Variants in DNAH11 observed in about 807,000 individuals in gnomAD.
The protein encoded by DNAH11 is dynein axonemal heavy chain 11, also known as axonemal beta dynein heavy chain 11.
Under a neutral mutation model 526.0 loss-of-function variants are expected in DNAH11, and 442 were observed. The ratio of observed to expected loss-of-function variants is 0.84; its 90% CI spans 0.78 to 0.91. The LOEUF is 0.91. Ranked by LOEUF, DNAH11 falls within the 40% of genes least tolerant of loss-of-function variation. The pLI, the probability that DNAH11 is intolerant of heterozygous loss-of-function variation, is 0.00. For synonymous variants in DNAH11, 2,461 were observed against 1,935.9 expected (o/e 1.27, Z -7.12); for missense variants, 6,989 against 5,448.7 (o/e 1.28, Z -8.90).
chr7:21,549,022 C>T lies in DNAH11; in HGVS notation c.495+3873C>T, dbSNP rs74863130. ...TCAGCCTCCTGGGTAGCTGGGATTA[C>T]AGGCACCACTGTGCCTGTCTAATTT... On this transcript the variant is annotated intron_variant, in intron 2 of 81. Coordinates refer to ENST00000409508, the MANE Select transcript of DNAH11 (RefSeq NM_001277115.2). Among the ~76,000 whole-genome samples the T allele has an allele frequency of 6.8e-3, 1,035 of 152,192 alleles. 10 individuals are homozygous for T. The highest frequency in any genetic ancestry group is 0.011 in the Non-Finnish European group (780 of 67,996).
chr7:21,590,469 G>T (rs996520199), intron 12 of DNAH11, among the ~76,000 whole-genome samples: 2 of 152,130 alleles, frequency 1.3e-5, no homozygotes, highest in Non-Finnish European at 2.9e-5. Flanking sequence ...GTGATTACCT[G>T]GAGTCTCTCA....
chr7:21,844,837 T>G (rs12700309), intron 66 of DNAH11, among the ~76,000 whole-genome samples: 81,480 of 152,148 alleles, frequency 0.54, 24,820 homozygotes, highest in Non-Finnish European at 0.69. Flanking sequence ...AGTTGCCATG[T>G]AGGCAAAGAC....
intron 66 of DNAH11, among the ~76,000 whole-genome samples, chr7:21,844,340 C>T (rs1488306491): frequency 6.6e-6 from 1 of 152,206 alleles, no homozygotes; most frequent in East Asian, 1.9e-4. Context: ...GCACAAGAAC[C>T]ACTTGAACCC....
Position 21,555,050 on chromosome 7 carries a change from A to G in DNAH11, c.496-3752A>G, listed in dbSNP as rs55802598. Among the ~76,000 whole-genome samples, 1,128 of 152,172 alleles carry G rather than the reference A, an allele frequency of 7.4e-3. 3 individuals carry two copies. Among genetic ancestry groups the G allele is most frequent in the Admixed American group, 0.012 (186 of 15,290 alleles). On this transcript the variant is annotated intron_variant, in intron 2 of 81. Transcript: ENST00000409508. ...ATGATAGGGGGTCCCAGGGCTTTTC[A>G]CTGGGCAGGAACTTTTTACTAGGCT...
intron 65 of DNAH11, among the ~76,000 whole-genome samples, chr7:21,834,562 A>G (rs1303218227): frequency 1.3e-5 from 2 of 152,224 alleles, no homozygotes; most frequent in Non-Finnish European, 2.9e-5. Context: ...TGAAAAGTTA[A>G]ACAAAATCAG....
chr7:21,681,763 G>T (rs1783150595), intron 31 of DNAH11, 86 bp downstream of exon 31: 1 of 1,538,396 alleles, frequency 6.5e-7, no homozygotes, highest in Non-Finnish European at 9.0e-7. Flanking sequence ...GAAAGTCGTT[G>T]TTTTTTTGAA....
At chr7:21,642,112 G>T (rs1416465419) in intron 28 of DNAH11, among the ~76,000 whole-genome samples, 1 of 152,100 alleles carries the variant, frequency 6.6e-6, no homozygotes, top group African/African-American at 2.4e-5. Flanking sequence ...ATATATTTTT[G>T]ATATATTTTG....
chr7:21,588,245 G>A lies in DNAH11; in HGVS notation c.1848+44G>A, dbSNP rs186434321. 466 of 1,578,704 alleles carry A rather than the reference G, an allele frequency of 3.0e-4. 1 individual carries two copies. The African/African-American group carries it at 5.5e-3, about 19-fold the overall frequency. On this transcript the variant is annotated intron_variant, in intron 10 of 81. Coordinates refer to ENST00000409508, the MANE Select transcript of DNAH11 (RefSeq NM_001277115.2). Reference sequence around the variant, plus strand: ...TGGACACATTTACAATATCATTTAGGCGGATAATGACCATCAACTAGAACT... The same window carrying A: ...TGGACACATTTACAATATCATTTAGACGGATAATGACCATCAACTAGAACT...
At chr7:21,690,717 C>A in intron 34 of DNAH11, 48 bp from the exon 35 acceptor site, 1 of 1,379,904 alleles carries the variant, frequency 7.2e-7, no homozygotes, top group South Asian at 1.2e-5. Context: ...AATGTGCATT[C>A]ATATTCAATG....
At position 21,818,264 on chromosome 7, in the gene DNAH11, T is replaced by C; in HGVS notation, c.10616T>C (p.Leu3539Ser). 6.2e-7 allele frequency: 1 copy of C among 1,612,426 alleles called. No homozygotes were observed. The highest frequency in any genetic ancestry group is 8.5e-7 in the Non-Finnish European group (1 of 1,179,060). The change falls in exon 65 of 82, where the codon TTA (leucine) becomes TCA (serine). Residue 3539 changes from leucine to serine, a missense_variant. Physicochemically the swap from Leu to Ser is moderately radical, Grantham distance 145. Transcript: ENST00000409508. ...GCTTTGGCCTTTGGTGATGTCATCT[T>C]AATTGAAAATCTCGAGGAAACGATA... ...ETALAFGDVI[L>S]IENLEETIDP...
chr7:21,858,483 T>C lies in DNAH11; in HGVS notation c.11203-3370T>C, dbSNP rs185222635. Among the ~76,000 whole-genome samples, 108 of 152,326 alleles carry C rather than the reference T, an allele frequency of 7.1e-4. 1 individual carries two copies. In the East Asian group the frequency reaches 0.016, roughly 22 times the overall value. On this transcript the variant is annotated intron_variant, in intron 68 of 81. Transcript: ENST00000409508. Reference sequence around the variant, plus strand: ...AAAACAATCCAAAGGACTGACACATTAATAGTCATGCAGATTTTGCATGTT... The same window carrying C: ...AAAACAATCCAAAGGACTGACACATCAATAGTCATGCAGATTTTGCATGTT...
At chr7:21,600,568 T>C (rs1008309592) in intron 15 of DNAH11, 108 bp from the exon 16 acceptor site, 4 of 1,225,920 alleles carry the variant, frequency 3.3e-6, no homozygotes, top group South Asian at 2.6e-5. Context: ...TTTTTAATTT[T>C]TCTAACTACT....
rs545646046 is a variant in DNAH11, at chr7:21,842,296, C to T, written c.10692-248C>T. On this transcript the variant is annotated intron_variant, in intron 65 of 81. Transcript: ENST00000409508. The stretch of plus-strand genomic sequence containing the variant: ...TTTATATGATTGTATTTAATTGTTA[C>T]AGTGACACTATGGGGTGAGTACTAT... Among the ~76,000 whole-genome samples, 6 of 152,272 alleles carry T rather than the reference C, an allele frequency of 3.9e-5. No individual in the cohort carries two copies. The South Asian group carries it at 1.0e-3, about 26-fold the overall frequency.
intron 54 of DNAH11, among the ~76,000 whole-genome samples, chr7:21,755,675 A>T (rs562110089): frequency 6.6e-6 from 1 of 152,286 alleles, no homozygotes; most frequent in Non-Finnish European, 1.5e-5. Context: ...GTGCACATAA[A>T]CATGAAGTAT....
intron 65 of DNAH11, among the ~76,000 whole-genome samples, chr7:21,819,519 A>G (rs1250311994): frequency 6.6e-6 from 1 of 152,220 alleles, no homozygotes; most frequent in Non-Finnish European, 1.5e-5. Context: ...TGTTAAAAAT[A>G]TAGTGTAAAA....
chr7:21,618,971 C>G lies in DNAH11; in HGVS notation c.4255-129C>G, dbSNP rs999340982. 4.1e-6 allele frequency: 5 copies of G among 1,205,792 alleles called. No individual in the cohort carries two copies. The African/African-American group carries it at 6.1e-5, about 15-fold the overall frequency. The allele number at this position is 1,205,792 out of a possible 1,614,324, so 74.7% of individuals were successfully genotyped here. ...AGTGTCTTAGATTCTCCACGTATTT[C>G]AAGACGAGAGATGTACTCAGCACCT... On this transcript the variant is annotated intron_variant, in intron 23 of 81. Coordinates refer to ENST00000409508, the MANE Select transcript of DNAH11 (RefSeq NM_001277115.2).
intron 30 of DNAH11, among the ~76,000 whole-genome samples, chr7:21,670,946 T>G (rs759536505): frequency 6.6e-6 from 1 of 152,138 alleles, no homozygotes; most frequent in Non-Finnish European, 1.5e-5. Flanking sequence ...TCTACATTTA[T>G]GTTTATCAGG....
At chr7:21,547,232 G>A (rs1782837940) in intron 2 of DNAH11, among the ~76,000 whole-genome samples, 2 of 152,216 alleles carry the variant, frequency 1.3e-5, no homozygotes, top group Admixed American at 6.5e-5. Flanking sequence ...TCCAGAGCAT[G>A]TGGCTCAGAA....
At chr7:21,688,485 A>G (rs1029859644) in intron 34 of DNAH11, among the ~76,000 whole-genome samples, 2 of 152,126 alleles carry the variant, frequency 1.3e-5, no homozygotes, top group African/African-American at 2.4e-5. Flanking sequence ...AACTAGTCCC[A>G]GGGCTTTAAA....
Sources: gnomAD v4.1 joint callset for allele counts (sites outside exome capture counted in the v4.1 genomes callset) on GRCh38, gnomAD v4.1.1 for gene constraint, MANE v1.5 for transcripts, NCBI Gene and HGNC (gene_info 2026-07-23, HGNC 2026-07-21) for gene names.